CELSR1: variants seen among roughly 807,000 people sequenced by gnomAD.
CELSR1 encodes adhesion G protein-coupled receptor C1.
A neutral mutation model predicts 249.1 loss-of-function variants in CELSR1; 110 were observed. That is an observed-to-expected ratio of 0.44 (90% CI 0.38 to 0.52). The LOEUF is 0.52. CELSR1 is among the 20% of genes least tolerant of loss of function. The pLI is 0.00. For missense variants in CELSR1, 4,109 were observed against 4,296.4 expected (o/e 0.96, Z 1.22); for synonymous variants, 2,113 against 1,900.0 (o/e 1.11, Z -2.92).
In CELSR1 at chr22:46,395,228, C is replaced by T. The variant is rs1229859449; in HGVS notation, c.5844-966G>A. 1.3e-5 allele frequency among the ~76,000 whole-genome samples: 2 copies of T among 152,164 alleles called. No homozygotes were observed. The highest frequency in any genetic ancestry group is 2.4e-5 in the African/African-American group (1 of 41,434). On this transcript the variant is annotated intron_variant, in intron 13 of 34. Coordinates refer to ENST00000674500, the MANE Select transcript of CELSR1 (RefSeq NM_001378328.1). This position sits in a 1 kb window ranked among gnomAD's most constrained non-coding sequence, Gnocchi z 5.5. ...CCTGCAGCAGTGGTGACTGTGGCGC[C>T]GGGCATGGAGATGCTGGATCAGCCT...
chr22:46,525,866 A>T (rs2080733438), intron 1 of CELSR1, among the ~76,000 whole-genome samples: 1 of 152,248 alleles, frequency 6.6e-6, no homozygotes, highest in Admixed American at 6.5e-5. Flanking sequence ...CAGCAGCGAC[A>T]CTGGGGCCAG....
At chr22:46,470,601 C>G (rs1468638495) in intron 1 of CELSR1, among the ~76,000 whole-genome samples, 4 of 152,158 alleles carry the variant, frequency 2.6e-5, no homozygotes, top group Admixed American at 2.0e-4. Context: ...CATCAATCTC[C>G]TTCGAGACCA....
rs984122884 is a variant in CELSR1 at position 46,391,811 on chromosome 22, A to C, written c.5970T>G (p.Asn1990Lys). The change falls in exon 15 of 35, where the codon AAT becomes AAG. Residue 1990 changes from asparagine to lysine, a missense_variant. By Grantham distance (94) the Asn-to-Lys change is moderately conservative. This residue lies in a region of CELSR1 where 1,805 missense variants were observed against 1,831.6 expected (regional missense o/e 0.99). Coordinates refer to ENST00000674500, the MANE Select transcript of CELSR1 (RefSeq NM_001378328.1). This position sits in a 1 kb window ranked among gnomAD's most constrained non-coding sequence, Gnocchi z 4.3. Reference sequence around the variant, plus strand: ...TGTCCTGGGCTAGGAGCTTGTAGTAATTCTCCTGCAAAAGCCAGAGGCAGG... The same window carrying C: ...TGTCCTGGGCTAGGAGCTTGTAGTACTTCTCCTGCAAAAGCCAGAGGCAGG... ...KTNGQCQCKE[N>K]YYKLLAQDTC... is the part of the protein sequence containing the mutation. 8 of 1,608,794 alleles carry C rather than the reference A, an allele frequency of 5.0e-6. No individual in the cohort carries two copies. Among genetic ancestry groups the C allele is most frequent in the Non-Finnish European group, 6.8e-6 (8 of 1,178,772 alleles).
rs2079287581 is a variant in CELSR1 at position 46,408,138 on chromosome 22, A to C, written c.5226+858T>G. Among the ~76,000 whole-genome samples, 1 of 152,256 alleles carries C rather than the reference A, an allele frequency of 6.6e-6. No individual in the cohort carries two copies. Among genetic ancestry groups the C allele is most frequent in the Admixed American group, 6.5e-5 (1 of 15,288 alleles). ...CGCAGAAAACCGGAGGAAAGAGTGCATTCGAATCACCTTCTAAAAGCTGTT... is the reference window on the plus strand; with the variant it reads ...CGCAGAAAACCGGAGGAAAGAGTGCCTTCGAATCACCTTCTAAAAGCTGTT... On this transcript the variant is annotated intron_variant, in intron 9 of 34. Transcript: ENST00000674500. The surrounding 1 kb of genome is among the most constrained non-coding windows in gnomAD (Gnocchi z 4.6).
chr22:46,500,030 C>A lies in CELSR1; in HGVS notation c.3544+33597G>T, dbSNP rs2080451332. Among the ~76,000 whole-genome samples, 1 of 152,140 alleles carries A rather than the reference C, an allele frequency of 6.6e-6. No individual in the cohort carries two copies. Among genetic ancestry groups the A allele is most frequent in the Non-Finnish European group, 1.5e-5 (1 of 68,036 alleles). On this transcript the variant is annotated intron_variant, in intron 1 of 34. Coordinates refer to ENST00000674500, the MANE Select transcript of CELSR1 (RefSeq NM_001378328.1). The surrounding 1 kb of genome is among the most constrained non-coding windows in gnomAD (Gnocchi z 4.9). ...GCTCAAGGCTCAGCGGCGACCTCTC[C>A]CGCTTATCTTCCCAAACGGGTTGTT...
chr22:46,496,385 T>C (rs571028024), intron 1 of CELSR1, among the ~76,000 whole-genome samples: 3 of 152,036 alleles, frequency 2.0e-5, no homozygotes, highest in Non-Finnish European at 2.9e-5. Flanking sequence ...CTGGCCAACA[T>C]GGTGAAACCC....
At chr22:46,418,817 T>C (rs1316511054) in intron 5 of CELSR1, among the ~76,000 whole-genome samples, 2 of 152,250 alleles carry the variant, frequency 1.3e-5, no homozygotes, top group Non-Finnish European at 2.9e-5. Context: ...AAGCCTTTTA[T>C]TTCTCAGGCA....
At chr22:46,394,514 C>T (rs141930644) in intron 13 of CELSR1, among the ~76,000 whole-genome samples, 200 of 152,362 alleles carry the variant, frequency 1.3e-3, no homozygotes, top group African/African-American at 4.5e-3. Context: ...CCCACGTCCA[C>T]ATGATGCCTG....
In CELSR1 at chr22:46,394,335, G is replaced by C. The variant is rs138830138; in HGVS notation, c.5844-73C>G. 2.2e-4 allele frequency: 341 copies of C among 1,524,578 alleles called. No individual in the cohort carries two copies. In the African/African-American group the frequency reaches 3.2e-3, roughly 14 times the overall value. 94.4% of individuals were successfully genotyped at this position (1,524,578 alleles called of 1,614,324 possible). On this transcript the variant is annotated intron_variant, in intron 13 of 34. Coordinates refer to ENST00000674500, the MANE Select transcript of CELSR1 (RefSeq NM_001378328.1). ...TTCTGGAATGAGAAGAGGCCTGCAG[G>C]CAGCATGGAGATGGTTGCCCAGGAG...
At chr22:46,507,667 A>G (rs1286645491) in intron 1 of CELSR1, among the ~76,000 whole-genome samples, 1 of 152,046 alleles carries the variant, frequency 6.6e-6, no homozygotes, top group Non-Finnish European at 1.5e-5. Context: ...CTGGGCTCAC[A>G]GGCTGCAGTC....
chr22:46,399,581 A>T lies in CELSR1; in HGVS notation c.5412+136T>A. ...TCAGTACAGGGCAGAACAGAAGCCCACCTGCGGGGACCCAGAAAGTGCCTC... is the reference window on the plus strand; with the variant it reads ...TCAGTACAGGGCAGAACAGAAGCCCTCCTGCGGGGACCCAGAAAGTGCCTC... On this transcript the variant is annotated intron_variant, in intron 10 of 34. Transcript: ENST00000674500. This position sits in a 1 kb window ranked among gnomAD's most constrained non-coding sequence, Gnocchi z 5.0. The T allele has an allele frequency of 1.2e-6, 1 of 801,316 alleles. No individual in the cohort carries two copies. Among genetic ancestry groups the T allele is most frequent in the Non-Finnish European group, 2.0e-6 (1 of 496,300 alleles). 49.6% of individuals were successfully genotyped at this position (801,316 alleles called of 1,614,324 possible).
chr22:46,367,607 C>A (rs2078800333), intron 28 of CELSR1, 122 bp downstream of exon 28: 3 of 1,359,950 alleles, frequency 2.2e-6, no homozygotes, highest in Non-Finnish European at 3.0e-6. Flanking sequence ...CCACAGGAGG[C>A]CCCCACGCGG....
chr22:46,365,013 C>T (rs966500425), intron 32 of CELSR1, among the ~76,000 whole-genome samples: 2 of 152,238 alleles, frequency 1.3e-5, no homozygotes, highest in African/African-American at 4.8e-5. Flanking sequence ...CAGAGACCCC[C>T]CTGAGAGTTC....
intron 5 of CELSR1, among the ~76,000 whole-genome samples, chr22:46,414,377 G>C (rs532366801): frequency 1.3e-5 from 2 of 152,152 alleles, no homozygotes; most frequent in South Asian, 2.1e-4. Flanking sequence ...ACAGAGGAGC[G>C]GGGGGATCTG....
chr22:46,372,589 C>T (rs1198277372), intron 25 of CELSR1, among the ~76,000 whole-genome samples: 3 of 151,910 alleles, frequency 2.0e-5, no homozygotes, highest in East Asian at 3.9e-4. Flanking sequence ...CTCTTCCCTC[C>T]ATCCCTCCCA....
rs1018175233 is a variant in CELSR1 at position 46,437,970 on chromosome 22, C to T, written c.4406+1219G>A. On this transcript the variant is annotated intron_variant, in intron 3 of 34. Coordinates refer to ENST00000674500, the MANE Select transcript of CELSR1 (RefSeq NM_001378328.1). The surrounding 1 kb of genome is among the most constrained non-coding windows in gnomAD (Gnocchi z 4.9). ...CAGCCCCTGGGTCATACCTGATTGC[C>T]TTTGGTGGGTTTCACTTCTGTGCGG... Among the ~76,000 whole-genome samples, 7 of 152,270 alleles carry T rather than the reference C, an allele frequency of 4.6e-5. No homozygotes were observed. The highest frequency in any genetic ancestry group is 1.7e-4 in the African/African-American group (7 of 41,542).
rs978418710 is a variant in CELSR1, at chr22:46,436,614, C to T, written c.4407-325G>A. Among the ~76,000 whole-genome samples the T allele has an allele frequency of 1.3e-5, 2 of 152,152 alleles. No individual in the cohort carries two copies. Among genetic ancestry groups the T allele is most frequent in the African/African-American group, 2.4e-5 (1 of 41,440 alleles). On this transcript the variant is annotated intron_variant, in intron 3 of 34. Coordinates refer to ENST00000674500, the MANE Select transcript of CELSR1 (RefSeq NM_001378328.1). The surrounding 1 kb of genome is among the most constrained non-coding windows in gnomAD (Gnocchi z 5.9). Reference sequence around the variant, plus strand: ...GTTACTGATGTGTTTGGGCAAAGCACGTGCTGTACATTTTCTGCTGCTGTG... The same window carrying T: ...GTTACTGATGTGTTTGGGCAAAGCATGTGCTGTACATTTTCTGCTGCTGTG...
Position 46,533,823 on chromosome 22 carries a change from G to C in CELSR1, c.3348C>G (p.Ser1116=). 6.2e-7 allele frequency: 1 copy of C among 1,613,880 alleles called. No homozygotes were observed. The highest frequency in any genetic ancestry group is 8.5e-7 in the Non-Finnish European group (1 of 1,180,014). Residue 1116 remains serine, a synonymous_variant, in exon 1 of 35, where the codon TCC becomes TCG. Coordinates refer to ENST00000674500, the MANE Select transcript of CELSR1 (RefSeq NM_001378328.1). ...CGATCACGCCGGTGGGGAAACTGTT[G>C]GACTTGTTGGTGACATAGTTGTTGA... ...ILFNNYVTNK[S]NSFPTGVIGC...
At chr22:46,368,794 G>T (rs956716630) in intron 27 of CELSR1, among the ~76,000 whole-genome samples, 1 of 151,850 alleles carries the variant, frequency 6.6e-6, no homozygotes, top group African/African-American at 2.4e-5. Flanking sequence ...GGGGTGGGGG[G>T]GTCTCCTCCC....
Sources: allele counts gnomAD v4.1 joint callset (sites outside exome capture counted in the v4.1 genomes callset), GRCh38; gene constraint gnomAD v4.1.1; regional missense constraint gnomAD v4.1.1; non-coding constraint Gnocchi (gnomAD v3.1); transcripts MANE v1.5; gene names NCBI Gene and HGNC (gene_info 2026-07-23, HGNC 2026-07-21).